GLIS3: variants seen among roughly 807,000 people sequenced by gnomAD.
GLIS3 encodes zinc finger protein GLIS3.
A neutral mutation model predicts 78.6 loss-of-function variants in GLIS3; 53 were observed. The ratio of observed to expected loss-of-function variants is 0.67; its 90% CI spans 0.54 to 0.85. The LOEUF (loss-of-function observed/expected upper bound fraction) is 0.85. Among genes scored for constraint, GLIS3 ranks in the 40% least tolerant of loss-of-function variants. GLIS3 has a pLI of 0.00. For missense variants in GLIS3, 1,703 were observed against 1,231.1 expected, an observed-to-expected ratio of 1.38 and a Z score of -5.74; for synonymous variants, 684 against 509.9, an observed-to-expected ratio of 1.34 and a Z score of -4.60.
At chr9:4,248,888 T>C (rs1029279422) in intron 2 of GLIS3, among the ~76,000 whole-genome samples, 1 of 152,214 alleles carries the variant, frequency 6.6e-6, no homozygotes, top group African/African-American at 2.4e-5. Context: ...ATGTCTTCTT[T>C]TGAGAAGTGT....
intron 3 of GLIS3, 133 bp downstream of exon 3, chr9:4,125,601 T>C (rs1010073503): frequency 1.3e-6 from 1 of 752,930 alleles, no homozygotes; most frequent in African/African-American, 1.7e-5. Flanking sequence ...AAACCTCAAA[T>C]TGAGAGAGTT....
chr9:4,097,146 T>G (rs1225409131), intron 4 of GLIS3, among the ~76,000 whole-genome samples: 3 of 152,194 alleles, frequency 2.0e-5, no homozygotes, highest in African/African-American at 7.2e-5. Flanking sequence ...CCCTAAAGGT[T>G]TGGCGAGCTG....
chr9:4,197,225 G>A (rs1040654395), intron 2 of GLIS3, among the ~76,000 whole-genome samples: 1 of 151,750 alleles, frequency 6.6e-6, no homozygotes, highest in Non-Finnish European at 1.5e-5. Flanking sequence ...AGGAGCCTGA[G>A]TTGCCCCACC....
intron 4 of GLIS3, among the ~76,000 whole-genome samples, chr9:3,989,194 G>A (rs1820013961): frequency 6.6e-6 from 1 of 152,016 alleles, no homozygotes; most frequent in Non-Finnish European, 1.5e-5. Flanking sequence ...AAACTACAAT[G>A]AAATATTACT....
chr9:4,096,354 G>C (rs1246174152), intron 4 of GLIS3, among the ~76,000 whole-genome samples: 3 of 152,166 alleles, frequency 2.0e-5, no homozygotes, highest in Admixed American at 6.5e-5. Context: ...TCCAGGAATA[G>C]TTTTCAACTG....
intron 4 of GLIS3, among the ~76,000 whole-genome samples, chr9:4,088,052 GC>G (rs1829192509): frequency 6.6e-6 from 1 of 152,206 alleles, no homozygotes; most frequent in South Asian, 2.1e-4. Context: ...CAGCTCACTG[GC>G]TAGACAAGGT....
intron 2 of GLIS3, among the ~76,000 whole-genome samples, chr9:4,337,256 C>G (rs941409754): frequency 6.6e-6 from 1 of 152,168 alleles, no homozygotes; most frequent in Non-Finnish European, 1.5e-5. Context: ...AATACTTTAT[C>G]TACAAAGACC....
chr9:4,397,651 GAAAA>G, the GLIS3 span, among the ~76,000 whole-genome samples: 1 of 118,456 alleles, frequency 8.4e-6, no homozygotes, highest in African/African-American at 3.1e-5. Flanking sequence ...AAGGAAGGAA[GAAAA>G]GGAAGGAAGG....
intron 2 of GLIS3, among the ~76,000 whole-genome samples, chr9:4,279,414 A>T (rs1827349930): frequency 6.8e-6 from 1 of 147,194 alleles, no homozygotes; most frequent in African/African-American, 2.5e-5. Flanking sequence ...CGTTTTTTTT[A>T]ATGAAACACA....
the GLIS3 span, among the ~76,000 whole-genome samples, chr9:4,415,632 T>C: frequency 6.6e-6 from 1 of 152,348 alleles, no homozygotes; most frequent in Admixed American, 6.5e-5. Context: ...TTTGTAATCT[T>C]TCTGCTAAGA....
intron 2 of GLIS3, among the ~76,000 whole-genome samples, chr9:4,169,449 T>C (rs1338478165): frequency 3.9e-5 from 6 of 152,194 alleles, no homozygotes; most frequent in Non-Finnish European, 7.3e-5. Flanking sequence ...AAGATCTGGG[T>C]GCCAGTCTCA....
At chr9:3,893,347 A>C (rs1822589942) in intron 7 of GLIS3, among the ~76,000 whole-genome samples, 2 of 152,230 alleles carry the variant, frequency 1.3e-5, no homozygotes, top group African/African-American at 4.8e-5. Flanking sequence ...GAAAAACTGA[A>C]GCACCAAATT....
chr9:4,403,252 G>C, the GLIS3 span, among the ~76,000 whole-genome samples: 1 of 152,104 alleles, frequency 6.6e-6, no homozygotes, highest in African/African-American at 2.4e-5. Flanking sequence ...GACCTTTCCA[G>C]ACAAACAAAA....
chr9:3,906,861 G>T (rs1823736644), intron 6 of GLIS3, among the ~76,000 whole-genome samples: 1 of 152,108 alleles, frequency 6.6e-6, no homozygotes, highest in Non-Finnish European at 1.5e-5. Context: ...TATTTCCCTG[G>T]GTCCTGAAAA....
chr9:3,885,077 C>T (rs1821982867), intron 7 of GLIS3, among the ~76,000 whole-genome samples: 1 of 152,186 alleles, frequency 6.6e-6, no homozygotes. Context: ...AGAAGTTTTC[C>T]AGCTCTGAAA....
intron 2 of GLIS3, among the ~76,000 whole-genome samples, chr9:4,251,638 A>G (rs1471075873): frequency 6.6e-6 from 1 of 152,106 alleles, no homozygotes; most frequent in East Asian, 1.9e-4. Flanking sequence ...TGTGAATTTA[A>G]TCCTGTCATT....
At chr9:3,846,259 G>C (rs987362785) in intron 9 of GLIS3, among the ~76,000 whole-genome samples, 1 of 152,140 alleles carries the variant, frequency 6.6e-6, no homozygotes, top group Non-Finnish European at 1.5e-5. Flanking sequence ...CCATAATACT[G>C]TATCAGTAGG....
intron 5 of GLIS3, 34 bp downstream of exon 5, chr9:3,936,994 G>C (rs1212809738): frequency 6.2e-7 from 1 of 1,611,850 alleles, no homozygotes; most frequent in South Asian, 1.1e-5. Context: ...ACCAGGCGCT[G>C]GGTTGGAAAC....
At chr9:3,974,073 T>C (rs1206131358) in intron 4 of GLIS3, among the ~76,000 whole-genome samples, 1 of 152,208 alleles carries the variant, frequency 6.6e-6, no homozygotes, top group Non-Finnish European at 1.5e-5. Flanking sequence ...TCATTTATAC[T>C]TTATTTTGCA....
Sources: allele counts gnomAD v4.1 joint callset (sites outside exome capture counted in the v4.1 genomes callset), GRCh38; gene constraint gnomAD v4.1.1; transcripts MANE v1.5; gene names NCBI Gene and HGNC (gene_info 2026-07-23, HGNC 2026-07-21).